Variants in LZTR1 observed in about 807,000 individuals in gnomAD.
The protein encoded by LZTR1 is leucine-zipper-like transcriptional regulator 1.
Under a neutral mutation model 105.7 loss-of-function variants are expected in LZTR1, and 260 were observed. That is an observed-to-expected ratio of 2.46 (90% CI 2.22 to 2.72). The LOEUF (loss-of-function observed/expected upper bound fraction) is 2.72, where lower values mean the gene tolerates loss of function less well. Among genes scored for constraint, LZTR1 ranks in the 30% most tolerant of loss-of-function variants. The probability of loss-of-function intolerance (pLI) is 0.00; values close to 1 mark genes in which losing one functional copy is unlikely to be tolerated. For synonymous variants in LZTR1, 490 were observed against 476.4 expected, an observed-to-expected ratio of 1.03 and a Z score of -0.37; for missense variants, 1,214 against 1,166.9, an observed-to-expected ratio of 1.04 and a Z score of -0.59.
At position 20,994,239 on chromosome 22, in the gene LZTR1, T is replaced by A. The variant is rs767374538; in HGVS notation, c.1585T>A (p.Tyr529Asn). ...RPFEVLMQFLYTDKIKYPRKG... is the reference protein window; with the variant it reads ...RPFEVLMQFLNTDKIKYPRKG... ...CTTCGAGGTGCTCATGCAGTTCCTCTACACCGACAAGATCAAATACCCACG... is the reference window on the plus strand; with the variant it reads ...CTTCGAGGTGCTCATGCAGTTCCTCAACACCGACAAGATCAAATACCCACG... The change falls in exon 14 of 21, where the codon TAC (tyrosine) becomes AAC (asparagine). Residue 529 changes from tyrosine (Y) to asparagine (N), a missense_variant. By Grantham distance (143) the Tyr-to-Asn change is moderately radical. Coordinates refer to ENST00000646124, the MANE Select transcript of LZTR1 (RefSeq NM_006767.4). 2 of 1,599,600 alleles carry A rather than the reference T, an allele frequency of 1.3e-6. No individual in the cohort carries two copies. The highest frequency in any genetic ancestry group is 2.2e-5 in the South Asian group (2 of 91,044).
chr22:20,992,834 C>CG lies in LZTR1; in HGVS notation c.1192dup (p.Asp398GlyfsTer29). On this transcript the variant is annotated frameshift_variant, in exon 11 of 21. Transcript: ENST00000646124. LOFTEE classifies it high-confidence loss of function. The stretch of plus-strand genomic sequence containing the variant: ...CTCTTCCACGCGGCTGCTGTCATCT[C>CG]GGACGCCATGTACATCTTCGGGGGC... 6.2e-7 allele frequency: 1 copy of CG among 1,609,022 alleles called. No individual in the cohort carries two copies. The highest frequency in any genetic ancestry group is 8.5e-7 in the Non-Finnish European group (1 of 1,177,864).
chr22:20,997,756 G>A lies in LZTR1; in HGVS notation c.*408G>A, dbSNP rs1924925273. The A allele has an allele frequency of 5.6e-6, 1 of 179,304 alleles. No individual in the cohort carries two copies. The highest frequency in any genetic ancestry group is 1.5e-4 in the East Asian group (1 of 6,718). 11.1% of individuals were successfully genotyped at this position (179,304 alleles called of 1,614,324 possible). On this transcript the variant is annotated 3_prime_UTR_variant, in exon 21 of 21. Transcript: ENST00000646124. ...CCTGTCACCAAGGCTCCTCCAACAT[G>A]CGGGAGGAGGCTTAGCAGACTTGCG... is the stretch of plus-strand genomic sequence containing the variant.
chr22:20,984,980 T>C (rs977871021), intron 2 of LZTR1, among the ~76,000 whole-genome samples: 1 of 151,508 alleles, frequency 6.6e-6, no homozygotes, highest in South Asian at 2.1e-4. Flanking sequence ...TCCCAGCACT[T>C]TGGGAGGCTG....
At chr22:20,992,967 A>T (rs1480680461) in intron 11 of LZTR1, 63 bp downstream of exon 11, 1 of 1,170,818 alleles carries the variant, frequency 8.5e-7, no homozygotes, top group Non-Finnish European at 1.2e-6. Context: ...TGAGAAACTG[A>T]GGCCAAGTTG....
Position 20,994,881 on chromosome 22 carries a change from G to A in LZTR1, c.1797G>A (p.Leu599=), listed in dbSNP as rs1924770342. Reference sequence around the variant, plus strand: ...CCTGTCTGCCCCAGGAGCACTGCCTGAACTTCGTGGTAAAGGAGTCCCACT... The same window carrying A: ...CCTGTCTGCCCCAGGAGCACTGCCTAAACTTCGTGGTAAAGGAGTCCCACT... ...LQLSQLKEHC[L]NFVVKESHFN... Residue 599 remains leucine (L), a synonymous_variant, in exon 16 of 21, where the codon CTG becomes CTA. Coordinates refer to ENST00000646124, the MANE Select transcript of LZTR1 (RefSeq NM_006767.4). 1 of 1,613,324 alleles carries A rather than the reference G, an allele frequency of 6.2e-7. No homozygotes were observed. Among genetic ancestry groups the A allele is most frequent in the East Asian group, 2.2e-5 (1 of 44,884 alleles).
At position 20,982,465 on chromosome 22, in the gene LZTR1, C is replaced by CAT; in HGVS notation, c.96_97dup (p.Ser33IlefsTer10). 6.2e-7 allele frequency: 1 copy of CAT among 1,608,098 alleles called. No homozygotes were observed. Among genetic ancestry groups the CAT allele is most frequent in the Non-Finnish European group, 8.5e-7 (1 of 1,177,428 alleles). ...GGTAGCCCCGAGCGTGGACTTCGAC[C>CAT]ATAGCTGCTCGGACAGTGTCGAGTA... On this transcript the variant is annotated frameshift_variant, in exon 1 of 21. Coordinates refer to ENST00000646124, the MANE Select transcript of LZTR1 (RefSeq NM_006767.4). LOFTEE classifies it high-confidence loss of function.
At chr22:20,991,941 C>T in intron 9 of LZTR1, 112 bp downstream of exon 9, 1 of 1,072,960 alleles carries the variant, frequency 9.3e-7, no homozygotes, top group Non-Finnish European at 1.3e-6. Context: ...AGACAGCTAC[C>T]AGGAGCAAGG....
intron 20 of LZTR1, 123 bp downstream of exon 20, chr22:20,997,089 A>G: frequency 5.1e-6 from 6 of 1,181,938 alleles, no homozygotes; most frequent in Non-Finnish European, 7.5e-6. Flanking sequence ...AGAGAAGCAG[A>G]GCAGCCCATC....
At chr22:20,996,399 G>C in intron 18 of LZTR1, 3 of 593,906 alleles carry the variant, frequency 5.1e-6, no homozygotes, top group Non-Finnish European at 6.0e-6. Context: ...CACAGACATG[G>C]AGGTACTCCT....
At chr22:20,988,701 T>G (rs1924491157) in intron 5 of LZTR1, 88 bp from the exon 6 acceptor site, 1 of 897,464 alleles carries the variant, frequency 1.1e-6, no homozygotes, top group East Asian at 2.4e-5. Flanking sequence ...GCAGCCTGGC[T>G]GTGGCCCCTG....
rs148031742 is a variant in LZTR1 at position 20,990,526 on chromosome 22, G to T, written c.791+1G>T. On this transcript the variant is annotated splice_donor_variant, in intron 8 of 20. Transcript: ENST00000646124. LOFTEE classifies it high-confidence loss of function. ...TCCAGTTTGAATTCAAGGACAAGAC[G>T]TGAGTACTCTGGCCAGTGGGGTGGA... 3.7e-6 allele frequency: 6 copies of T among 1,608,382 alleles called. No homozygotes were observed. The highest frequency in any genetic ancestry group is 1.6e-4 in the Middle Eastern group (1 of 6,064).
At position 20,982,347 on chromosome 22, in the gene LZTR1, G is replaced by T; in HGVS notation, c.-25G>T. 1 of 1,532,286 alleles carries T rather than the reference G, an allele frequency of 6.5e-7. No homozygotes were observed. The allele number at this position is 1,532,286 out of a possible 1,614,324, so 94.9% of individuals were successfully genotyped here. ...GGTGGCCGCAAGTTGGGCTTACAGCGCGGCCGATCCGGCGTGGACCCGGGA... is the reference window on the plus strand; with the variant it reads ...GGTGGCCGCAAGTTGGGCTTACAGCTCGGCCGATCCGGCGTGGACCCGGGA... On this transcript the variant is annotated 5_prime_UTR_variant, in exon 1 of 21. Transcript: ENST00000646124.
At chr22:20,995,416 G>C in intron 16 of LZTR1, 2 of 620,210 alleles carry the variant, frequency 3.2e-6, no homozygotes, top group Middle Eastern at 2.6e-4. Context: ...GACCCCGGTT[G>C]CTGGCTCTTG....
At chr22:20,987,370 CAG>C (rs1391471745) in intron 3 of LZTR1, 132 bp from the exon 4 acceptor site, 3 of 592,168 alleles carry the variant, frequency 5.1e-6, no homozygotes, top group South Asian at 2.1e-5. Flanking sequence ...GCCGGGACGA[CAG>C]AGAGAGACTC....
chr22:20,986,071 A>G, intron 3 of LZTR1, 174 bp downstream of exon 3: 1 of 660,962 alleles, frequency 1.5e-6, no homozygotes, highest in African/African-American at 1.8e-5. Flanking sequence ...TGTCAGGCTG[A>G]GGAGATCAAG....
At chr22:20,990,297 A>G in intron 7 of LZTR1, 89 bp from the exon 8 acceptor site, 1 of 1,453,306 alleles carries the variant, frequency 6.9e-7, no homozygotes, top group Non-Finnish European at 9.6e-7. Flanking sequence ...TTTCAAGAAT[A>G]AAAGCAGTCC....
intron 8 of LZTR1, 47 bp downstream of exon 8, chr22:20,990,572 C>G (rs144038759): frequency 6.4e-7 from 1 of 1,557,898 alleles, no homozygotes; most frequent in African/African-American, 1.4e-5. Flanking sequence ...TCAGTTCCCT[C>G]GAATCCTTCT....
intron 16 of LZTR1, 106 bp downstream of exon 16, chr22:20,995,132 G>A (rs904948600): frequency 2.0e-5 from 27 of 1,337,936 alleles, no homozygotes; most frequent in Non-Finnish European, 2.8e-5. Flanking sequence ...CGGGGTGGGG[G>A]TGGGTGCCAT....
chr22:20,988,788 G>T lies in LZTR1; in HGVS notation c.510-1G>T. The T allele has an allele frequency of 6.2e-7, 1 of 1,613,456 alleles. No homozygotes were observed. Among genetic ancestry groups the T allele is most frequent in the East Asian group, 2.2e-5 (1 of 44,880 alleles). ...CCCTCCCCTCTTCCCTCACACTCCAGGTTGCCAGTCGCTAGGTCAGCCCAT... is the reference window on the plus strand; with the variant it reads ...CCCTCCCCTCTTCCCTCACACTCCATGTTGCCAGTCGCTAGGTCAGCCCAT... On this transcript the variant is annotated splice_acceptor_variant, in intron 5 of 20. Coordinates refer to ENST00000646124, the MANE Select transcript of LZTR1 (RefSeq NM_006767.4). LOFTEE classifies it high-confidence loss of function.
Sources: gnomAD v4.1 joint callset for allele counts (sites outside exome capture counted in the v4.1 genomes callset) on GRCh38, gnomAD v4.1.1 for gene constraint, MANE v1.5 for transcripts, NCBI Gene and HGNC (gene_info 2026-07-23, HGNC 2026-07-21) for gene names.